The following ZNF536 variants were observed in gnomAD, a reference collection of about 807,000 sequenced individuals.
ZNF536 encodes the protein zinc finger protein 536.
ZNF536 carries 13 observed loss-of-function variants against 84.5 expected under a neutral mutation model. That is an observed-to-expected ratio of 0.15 (90% CI 0.10 to 0.24). The LOEUF is 0.24. Ranked by LOEUF, ZNF536 falls within the 10% of genes least tolerant of loss-of-function variation. ZNF536 has a pLI of 1.00. For missense variants in ZNF536, 1,536 were observed against 1,747.5 expected (o/e 0.88, Z 2.16); for synonymous variants, 811 against 742.5 (o/e 1.09, Z -1.50).
At chr19:30,513,063 T>C (rs1388825577) in intron 2 of ZNF536, among the ~76,000 whole-genome samples, 2 of 152,212 alleles carry the variant, frequency 1.3e-5, no homozygotes, top group African/African-American at 4.8e-5. Flanking sequence ...ATTTTCTTTA[T>C]ATGTACACAC....
At chr19:30,437,733 G>A (rs2051819297) in intron 1 of ZNF536, among the ~76,000 whole-genome samples, 1 of 152,146 alleles carries the variant, frequency 6.6e-6, no homozygotes, top group Non-Finnish European at 1.5e-5. Flanking sequence ...TTCTACATTG[G>A]GGGGATGATG....
chr19:30,288,913 CT>C (rs1265489112), intron 2 of ZNF536, among the ~76,000 whole-genome samples: 1 of 152,124 alleles, frequency 6.6e-6, no homozygotes, highest in Non-Finnish European at 1.5e-5. Context: ...TAGGCTTTTC[CT>C]CTCAGTCTCA....
At chr19:30,459,282 A>ATCTT (rs1270730856) in intron 2 of ZNF536, among the ~76,000 whole-genome samples, 9 of 139,642 alleles carry the variant, frequency 6.4e-5, no homozygotes, top group Non-Finnish European at 1.3e-4. Context: ...ATTTGGGTAC[A>ATCTT]TCTTTCTTTT....
intron 1 of ZNF536, among the ~76,000 whole-genome samples, chr19:30,254,019 A>G (rs940972817): frequency 2.0e-5 from 3 of 152,170 alleles, no homozygotes; most frequent in Admixed American, 6.5e-5. Context: ...TTTAACCACA[A>G]TCAAAAGTGG....
At chr19:30,687,234 A>C (rs1452878655) in intron 1 of ZNF536, among the ~76,000 whole-genome samples, 2 of 152,204 alleles carry the variant, frequency 1.3e-5, no homozygotes, top group South Asian at 4.1e-4. Flanking sequence ...CATCTTGCTG[A>C]CTTGCAAAAC....
At chr19:30,699,302 T>C (rs893591659) in intron 1 of ZNF536, among the ~76,000 whole-genome samples, 4 of 152,212 alleles carry the variant, frequency 2.6e-5, no homozygotes, top group African/African-American at 7.2e-5. Context: ...TATATGCTTG[T>C]GTACTAACTC....
intron 1 of ZNF536, among the ~76,000 whole-genome samples, chr19:30,265,136 CT>C (rs1483054258): frequency 6.6e-6 from 1 of 152,104 alleles, no homozygotes; most frequent in East Asian, 1.9e-4. Flanking sequence ...GCTCTTCAGT[CT>C]CCCCCTTGTG....
At chr19:30,598,831 A>C (rs2047555554) in intron 1 of ZNF536, among the ~76,000 whole-genome samples, 1 of 151,224 alleles carries the variant, frequency 6.6e-6, no homozygotes. Context: ...TTTCTTGGGA[A>C]AAATTTCTTC....
chr19:30,364,114 G>A (rs2048355325), intron 3 of ZNF536, among the ~76,000 whole-genome samples: 2 of 152,074 alleles, frequency 1.3e-5, no homozygotes, highest in African/African-American at 2.4e-5. Context: ...GGAGCCCCAC[G>A]GTGAACAAAG....
chr19:30,581,095 C>T (rs1045150125), intron 1 of ZNF536, among the ~76,000 whole-genome samples: 27 of 152,208 alleles, frequency 1.8e-4, no homozygotes, highest in Middle Eastern at 3.2e-3. Flanking sequence ...TGATCAAATT[C>T]ACTATGTAAG....
At chr19:30,696,292 G>A (rs1034244359) in intron 1 of ZNF536, among the ~76,000 whole-genome samples, 3 of 152,052 alleles carry the variant, frequency 2.0e-5, no homozygotes, top group Admixed American at 6.6e-5. Context: ...CTCCGCTCCC[G>A]GCTCCCCCAC....
At chr19:30,349,974 G>T (rs986164011) in intron 2 of ZNF536, among the ~76,000 whole-genome samples, 1 of 151,790 alleles carries the variant, frequency 6.6e-6, no homozygotes, top group Non-Finnish European at 1.5e-5. Context: ...CCTTACTTTC[G>T]ATTGTGTGAG....
chr19:30,281,416 G>A (rs1654090946), intron 1 of ZNF536, among the ~76,000 whole-genome samples: 1 of 152,220 alleles, frequency 6.6e-6, no homozygotes, highest in Non-Finnish European at 1.5e-5. Context: ...GGCCCTGCCT[G>A]CACTTGCTTA....
chr19:30,317,731 A>C (rs1422814174), intron 2 of ZNF536, among the ~76,000 whole-genome samples: 4 of 152,206 alleles, frequency 2.6e-5, no homozygotes, highest in African/African-American at 4.8e-5. Context: ...CTTGTAATGG[A>C]GTGTTGAGTC....
At chr19:30,698,681 A>G (rs1312769566) in intron 1 of ZNF536, among the ~76,000 whole-genome samples, 2 of 152,156 alleles carry the variant, frequency 1.3e-5, no homozygotes, top group Non-Finnish European at 2.9e-5. Flanking sequence ...GTAAATTACC[A>G]TTCTCATCAT....
chr19:30,469,436 A>G (rs1257272507), intron 2 of ZNF536, among the ~76,000 whole-genome samples: 5 of 152,052 alleles, frequency 3.3e-5, no homozygotes, highest in South Asian at 2.1e-4. Flanking sequence ...GAAGAGGAAC[A>G]TGGCAGGAGT....
At chr19:30,705,309 A>ATGTG (rs56199909) in intron 1 of ZNF536, among the ~76,000 whole-genome samples, 14,659 of 149,092 alleles carry the variant, frequency 0.098, 873 homozygotes, top group East Asian at 0.32. Flanking sequence ...ACTCAGAAAG[A>ATGTG]TGTGTGTGTG....
At chr19:30,450,857 A>G (rs1046250920) in intron 2 of ZNF536, among the ~76,000 whole-genome samples, 1 of 93,482 alleles carries the variant, frequency 1.1e-5, no homozygotes, top group African/African-American at 4.4e-5. Context: ...AGCCCACCCC[A>G]ACTCCAGCCT....
At chr19:30,559,956 T>C (rs897562439), downstream of ZNF536, among the ~76,000 whole-genome samples, 2 of 152,076 alleles carry the variant, frequency 1.3e-5, no homozygotes, top group Non-Finnish European at 2.9e-5. Context: ...TGGATTCTCA[T>C]TCTCCTGCTT....
Sources: allele counts gnomAD v4.1 joint callset (sites outside exome capture counted in the v4.1 genomes callset), GRCh38; gene constraint gnomAD v4.1.1; transcripts MANE v1.5; gene names NCBI Gene and HGNC (gene_info 2026-07-23, HGNC 2026-07-21).